ZNF292: variants seen among roughly 807,000 people sequenced by gnomAD.
ZNF292 encodes 16 zinc-finger domain protein.
In ZNF292, 26 loss-of-function variants were observed where a neutral mutation model predicts 217.9. That is an observed-to-expected ratio of 0.12 (90% confidence interval 0.09 to 0.17). ZNF292 has a LOEUF of 0.17. Ranked by LOEUF, ZNF292 falls within the 10% of genes least tolerant of loss-of-function variation. The pLI, the probability that ZNF292 is intolerant of heterozygous loss-of-function variation, is 1.00. For synonymous variants in ZNF292, 1,257 were observed against 1,124.1 expected, an observed-to-expected ratio of 1.12 and a Z score of -2.37; for missense variants, 2,904 against 3,175.2, an observed-to-expected ratio of 0.91 and a Z score of 2.05.
chr6:87,238,441 G>C (rs1378506979), intron 5 of ZNF292, among the ~76,000 whole-genome samples: 5 of 150,416 alleles, frequency 3.3e-5, no homozygotes, highest in African/African-American at 9.8e-5. Flanking sequence ...AGTCGAGATC[G>C]CACCATTGCA....
chr6:87,253,594 T>C (rs1775049113), intron 7 of ZNF292, among the ~76,000 whole-genome samples: 1 of 152,158 alleles, frequency 6.6e-6, no homozygotes, highest in Non-Finnish European at 1.5e-5. Flanking sequence ...TTTTTGGTCA[T>C]TGTGCTCTTG....
chr6:87,256,701 A>G lies in ZNF292; in HGVS notation c.3072A>G (p.Gln1024=), dbSNP rs180760714. Reference sequence around the variant, plus strand: ...TTACCCCACAAAACTTAGAAAGACAAGTGAACAACTTGATGACCTTTTCTG... The same window carrying G: ...TTACCCCACAAAACTTAGAAAGACAGGTGAACAACTTGATGACCTTTTCTG... ...GDLTPQNLER[Q]VNNLMTFSVQ... Residue 1024 remains glutamine (Q), a synonymous_variant, in exon 8 of 8, where the codon CAA becomes CAG. Transcript: ENST00000369577. 6.2e-7 allele frequency: 1 copy of G among 1,613,188 alleles called. No homozygotes were observed. Among genetic ancestry groups the G allele is most frequent in the Admixed American group, 1.7e-5 (1 of 59,980 alleles).
In ZNF292 at chr6:87,225,126, T is replaced by A. The variant is rs180923091; in HGVS notation, c.538+6395T>A. Among the ~76,000 whole-genome samples the A allele has an allele frequency of 8.5e-5, 13 of 152,336 alleles. No homozygotes were observed. The East Asian group carries it at 2.3e-3, about 27-fold the overall frequency. ...CTGTAATGACAAATGATTCTGAACATCTTTTCATATGCATATTTGCCATCT... is the reference window on the plus strand; with the variant it reads ...CTGTAATGACAAATGATTCTGAACAACTTTTCATATGCATATTTGCCATCT... On this transcript the variant is annotated intron_variant, in intron 4 of 7. Coordinates refer to ENST00000369577, the MANE Select transcript of ZNF292 (RefSeq NM_015021.3).
At chr6:87,225,739 C>T (rs537618949) in intron 4 of ZNF292, among the ~76,000 whole-genome samples, 17 of 152,294 alleles carry the variant, frequency 1.1e-4, no homozygotes, top group African/African-American at 4.1e-4. Flanking sequence ...ATTTTGCCAT[C>T]TGTTTTCACT....
chr6:87,178,565 C>G (rs549442087), intron 1 of ZNF292, among the ~76,000 whole-genome samples: 2 of 152,078 alleles, frequency 1.3e-5, no homozygotes, highest in African/African-American at 2.4e-5. Context: ...GGAACTGTTA[C>G]GTTTGTGTGT....
In ZNF292 at chr6:87,260,048, A is replaced by C; in HGVS notation, c.6419A>C (p.Lys2140Thr). ...ATTCTCCATTACCAGGCTGTACACA[A>C]ATCAGATCTACCTGCATTTTCAGCA... ...NLILHYQAVH[K>T]SDLPAFSAEV... Residue 2140 changes from lysine to threonine, a missense_variant, in exon 8 of 8, where the codon AAA becomes ACA. By Grantham distance (78) the Lys-to-Thr change is moderately conservative. This residue lies in a region of ZNF292 where 261 missense variants were observed against 272.8 expected (regional missense o/e 0.96). Transcript: ENST00000369577. 1 of 1,613,628 alleles carries C rather than the reference A, an allele frequency of 6.2e-7. No homozygotes were observed.
intron 1 of ZNF292, chr6:87,170,025 CCTA>C (rs1771048972): frequency 1.3e-5 from 2 of 152,356 alleles, no homozygotes; most frequent in South Asian, 2.0e-4. Context: ...CTGATCTTTC[CCTA>C]CTTTTTGCAA....
chr6:87,226,677 ATATATAGAT>A (rs1265846153), intron 4 of ZNF292, among the ~76,000 whole-genome samples: 40 of 107,892 alleles, frequency 3.7e-4, no homozygotes, highest in African/African-American at 1.4e-3. Flanking sequence ...AGATATATAG[ATATATAGAT>A]TTTTTTTTTT....
At chr6:87,237,434 G>T (rs542688646) in intron 5 of ZNF292, among the ~76,000 whole-genome samples, 1 of 152,236 alleles carries the variant, frequency 6.6e-6, no homozygotes, top group African/African-American at 2.4e-5. Context: ...TTGAGACAGG[G>T]TTTCACTGTG....
chr6:87,250,367 T>G (rs921439323), intron 7 of ZNF292, among the ~76,000 whole-genome samples: 2 of 151,860 alleles, frequency 1.3e-5, no homozygotes, highest in African/African-American at 4.8e-5. Context: ...AGGCAGAAAT[T>G]GCAGTGAGCC....
At position 87,239,815 on chromosome 6, in the gene ZNF292, C is replaced by T. The variant is rs546102729; in HGVS notation, c.742-3660C>T. On this transcript the variant is annotated intron_variant, in intron 5 of 7. Coordinates refer to ENST00000369577, the MANE Select transcript of ZNF292 (RefSeq NM_015021.3). ...AATGGGCAGCCGAGCAGAGACGCTC[C>T]TCACTTCCTAGACGGGATGGCGGCC... is the stretch of plus-strand genomic sequence containing the variant. 1.3e-3 allele frequency among the ~76,000 whole-genome samples: 197 copies of T among 151,548 alleles called. 2 individuals carry two copies. Among genetic ancestry groups the T allele is most frequent in the African/African-American group, 4.4e-3 (179 of 41,070 alleles).
Position 87,209,262 on chromosome 6 carries a change from C to G in ZNF292, c.169-6641C>G, listed in dbSNP as rs1184081703. 2.0e-5 allele frequency among the ~76,000 whole-genome samples: 3 copies of G among 152,110 alleles called. No individual in the cohort carries two copies. The East Asian group carries it at 5.8e-4, about 29-fold the overall frequency. ...CACTTTTCTTGGAGTGTCAGTCTTA[C>G]ATATGCTTTCCAGCTTTTAAGATTT... is the stretch of plus-strand genomic sequence containing the variant. On this transcript the variant is annotated intron_variant, in intron 1 of 7. Transcript: ENST00000369577.
In ZNF292 at chr6:87,260,658, C is replaced by T; in HGVS notation, c.7029C>T (p.Asn2343=). 6.2e-7 allele frequency: 1 copy of T among 1,612,084 alleles called. No homozygotes were observed. The highest frequency in any genetic ancestry group is 8.5e-7 in the Non-Finnish European group (1 of 1,179,356). Reference sequence around the variant, plus strand: ...GAAAGAAAAAAAATAATTTAGAAAACAAGAATGCAAAGATTGTGCAGATTG... The same window carrying T: ...GAAAGAAAAAAAATAATTTAGAAAATAAGAATGCAAAGATTGTGCAGATTG... ...TKRKKKNNLE[N]KNAKIVQIEE... is the part of the protein sequence containing the mutation. Residue 2343 remains asparagine, a synonymous_variant, in exon 8 of 8, where the codon AAC becomes AAT. Coordinates refer to ENST00000369577, the MANE Select transcript of ZNF292 (RefSeq NM_015021.3).
chr6:87,251,899 G>A (rs1774937237), intron 7 of ZNF292, among the ~76,000 whole-genome samples: 1 of 152,142 alleles, frequency 6.6e-6, no homozygotes, highest in Non-Finnish European at 1.5e-5. Context: ...CACCCTTAAT[G>A]AATCAAAATG....
At chr6:87,170,621 TTGAA>T (rs773624658) in intron 1 of ZNF292, among the ~76,000 whole-genome samples, 4 of 152,210 alleles carry the variant, frequency 2.6e-5, no homozygotes, top group Non-Finnish European at 5.9e-5. Flanking sequence ...TTACCTATAA[TTGAA>T]TGAAAATATT....
At position 87,260,849 on chromosome 6, in the gene ZNF292, A is replaced by G; in HGVS notation, c.7220A>G (p.Tyr2407Cys). The G allele has an allele frequency of 1.2e-6, 2 of 1,611,096 alleles. No homozygotes were observed. The highest frequency in any genetic ancestry group is 1.7e-6 in the Non-Finnish European group (2 of 1,178,370). The change falls in exon 8 of 8, where the codon TAT becomes TGT. Residue 2407 changes from tyrosine to cysteine, a missense_variant. Physicochemically the swap from Tyr to Cys is radical, Grantham distance 194. Around this residue, in one of 15 missense-constraint regions of ZNF292, gnomAD observed 27 missense variants for 52.3 expected, o/e 0.52. Transcript: ENST00000369577. ...AGTGAAAGCAATATAATTAGACATT[A>G]TAAGTGCCATAAATTATCTAAGGCA... is the stretch of plus-strand genomic sequence containing the variant. ...VTSESNIIRH[Y>C]KCHKLSKAFT...
Position 87,254,727 on chromosome 6 carries a change from A to G in ZNF292, c.1098A>G (p.Glu366=). The change falls in exon 8 of 8, where the codon GAA becomes GAG. Residue 366 remains glutamate, a synonymous_variant. Coordinates refer to ENST00000369577, the MANE Select transcript of ZNF292 (RefSeq NM_015021.3). The part of the protein sequence containing the change: ...ALRLESTENT[E]VKISICKTIS... The stretch of plus-strand genomic sequence containing the variant: ...GCTTGGAGTCTACAGAAAATACTGA[A>G]GTGAAAATATCTATTTGCAAGACCA... The G allele has an allele frequency of 1.2e-6, 2 of 1,613,952 alleles. No individual in the cohort carries two copies. The highest frequency in any genetic ancestry group is 1.7e-6 in the Non-Finnish European group (2 of 1,179,832).
chr6:87,190,444 A>G (rs1304266462), intron 1 of ZNF292, among the ~76,000 whole-genome samples: 1 of 151,996 alleles, frequency 6.6e-6, no homozygotes, highest in Non-Finnish European at 1.5e-5. Flanking sequence ...GTGAATATGT[A>G]TTTTCATTTT....
rs1460985521 is a variant in ZNF292 at position 87,259,849 on chromosome 6, A to G, written c.6220A>G (p.Asn2074Asp). Residue 2074 changes from asparagine to aspartate, a missense_variant, in exon 8 of 8, where the codon AAC becomes GAC. Transcript: ENST00000369577. ...SEQCNTNALTNTQTKGRKIRR... is the reference protein window; with the variant it reads ...SEQCNTNALTDTQTKGRKIRR... Reference sequence around the variant, plus strand: ...ACAATGTAATACAAATGCACTCACAAACACACAAACCAAAGGACGGAAGAT... The same window carrying G: ...ACAATGTAATACAAATGCACTCACAGACACACAAACCAAAGGACGGAAGAT... 9.3e-6 allele frequency: 15 copies of G among 1,613,134 alleles called. No homozygotes were observed. Among genetic ancestry groups the G allele is most frequent in the Non-Finnish European group, 1.3e-5 (15 of 1,179,526 alleles).
Sources: gnomAD v4.1 joint callset for allele counts (sites outside exome capture counted in the v4.1 genomes callset) on GRCh38, gnomAD v4.1.1 for gene constraint, gnomAD v4.1.1 regional missense constraint, MANE v1.5 for transcripts, NCBI Gene and HGNC (gene_info 2026-07-23, HGNC 2026-07-21) for gene names.